Variants in RIMKLB observed in about 807,000 individuals in gnomAD.
RIMKLB encodes the protein beta-citrylglutamate synthase B.
Under a neutral mutation model 32.0 loss-of-function variants are expected in RIMKLB, and 7 were observed. The observed-to-expected ratio is 0.22, with a 90% confidence interval of 0.12 to 0.41. The LOEUF is 0.41. RIMKLB is among the 10% of genes least tolerant of loss of function. The pLI is 1.00. For synonymous variants in RIMKLB, 172 were observed against 185.1 expected (o/e 0.93, Z 0.57); for missense variants, 289 against 498.7 (o/e 0.58, Z 4.00).
intron 1 of RIMKLB, among the ~76,000 whole-genome samples, chr12:8,710,279 TTTTGTTTG>T (rs1023309175): frequency 6.0e-5 from 9 of 149,810 alleles, no homozygotes; most frequent in Non-Finnish European, 8.9e-5. Flanking sequence ...TCCCCGCCAG[TTTTGTTTG>T]TTTGTTTGTT....
intron 1 of RIMKLB, among the ~76,000 whole-genome samples, chr12:8,700,920 G>A (rs936854876): frequency 6.6e-6 from 1 of 152,076 alleles, no homozygotes; most frequent in African/African-American, 2.4e-5. Flanking sequence ...ATAAAAAGTA[G>A]CTGGGCATGG....
At chr12:8,725,971 C>G (rs961978342) in intron 2 of RIMKLB, among the ~76,000 whole-genome samples, 10 of 152,220 alleles carry the variant, frequency 6.6e-5, no homozygotes, top group African/African-American at 1.9e-4. Context: ...TCTCAGCCTC[C>G]CGAATAGCTG....
At chr12:8,698,714 C>A (rs964394089) in intron 1 of RIMKLB, among the ~76,000 whole-genome samples, 49 of 147,038 alleles carry the variant, frequency 3.3e-4, no homozygotes, top group Non-Finnish European at 6.2e-4. Context: ...CCCTCCCCCC[C>A]CTTCCCACAA....
intron 5 of RIMKLB, among the ~76,000 whole-genome samples, chr12:8,764,576 G>A (rs942129037): frequency 2.6e-5 from 4 of 152,038 alleles, no homozygotes; most frequent in African/African-American, 7.2e-5. Flanking sequence ...AGAAGGCTGC[G>A]CCAGTGTCCA....
At chr12:8,752,545 G>C (rs1192538033) in intron 4 of RIMKLB, among the ~76,000 whole-genome samples, 1 of 152,098 alleles carries the variant, frequency 6.6e-6, no homozygotes, top group Non-Finnish European at 1.5e-5. Flanking sequence ...GAGCCAGACT[G>C]TGTCTAAAAA....
chr12:8,691,527 T>C (rs1942732936), intron 1 of RIMKLB, among the ~76,000 whole-genome samples: 1 of 152,010 alleles, frequency 6.6e-6, no homozygotes, highest in Non-Finnish European at 1.5e-5. Flanking sequence ...CCAGAATTGT[T>C]TGAACCCAGG....
chr12:8,741,334 C>T (rs1049904185), intron 2 of RIMKLB, among the ~76,000 whole-genome samples: 3 of 145,072 alleles, frequency 2.1e-5, no homozygotes, highest in African/African-American at 5.2e-5. Context: ...GCCGAGATCG[C>T]ACCACTGCAC....
In RIMKLB at chr12:8,768,587, CTT is replaced by C. The variant is rs1415577261; in HGVS notation, c.698-4731_698-4730del. 3.3e-5 allele frequency among the ~76,000 whole-genome samples: 5 copies of C among 152,262 alleles called. No homozygotes were observed. In the South Asian group the frequency reaches 1.0e-3, roughly 32 times the overall value. On this transcript the variant is annotated intron_variant, in intron 5 of 5. Coordinates refer to ENST00000535829, the MANE Select transcript of RIMKLB (RefSeq NM_001297776.2). ...TTTAATGTATTGGGGAGTTTTCAGT[CTT>C]TTCCTAGGGCATTCTATATTGGTAA...
chr12:8,711,080 G>A (rs760567447), intron 1 of RIMKLB, among the ~76,000 whole-genome samples: 2 of 151,286 alleles, frequency 1.3e-5, no homozygotes, highest in South Asian at 4.2e-4. Context: ...AGAAAAGTAC[G>A]AAAATTAGCT....
intron 4 of RIMKLB, among the ~76,000 whole-genome samples, chr12:8,753,562 A>G (rs1948789158): frequency 6.6e-6 from 1 of 152,222 alleles, no homozygotes; most frequent in Non-Finnish European, 1.5e-5. Context: ...GTTTTAATTC[A>G]GAGATAAAAA....
At chr12:8,716,725 C>CTTTTTTTT (rs71451981) in intron 2 of RIMKLB, among the ~76,000 whole-genome samples, 119 of 95,142 alleles carry the variant, frequency 1.3e-3, no homozygotes, top group African/African-American at 1.8e-3. Flanking sequence ...TCTTTTCCTT[C>CTTTTTTTT]TTTTTTTTTT....
At position 8,713,880 on chromosome 12, in the gene RIMKLB, T is replaced by G; in HGVS notation, c.14T>G (p.Val5Gly). ...AAGCTGATCAAGATGTGTAGTTCTG[T>G]GGCTGCCAAGTTGTGGTTTTTGACA... Reference protein sequence around the residue: MCSSVAAKLWFLTDR... With the variant: MCSSGAAKLWFLTDR... The change falls in exon 2 of 6, where the codon GTG becomes GGG. Residue 5 changes from valine to glycine, a missense_variant. Val to Gly is a moderately radical substitution (Grantham distance 109). This residue lies in a region of RIMKLB where 34 missense variants were observed against 35.3 expected (regional missense o/e 0.96). Coordinates refer to ENST00000535829, the MANE Select transcript of RIMKLB (RefSeq NM_001297776.2). 1 of 1,614,060 alleles carries G rather than the reference T, an allele frequency of 6.2e-7. No homozygotes were observed. Among genetic ancestry groups the G allele is most frequent in the Non-Finnish European group, 8.5e-7 (1 of 1,179,968 alleles).
chr12:8,781,877 T>C (rs769935575), downstream of RIMKLB, among the ~76,000 whole-genome samples: 10 of 152,334 alleles, frequency 6.6e-5, no homozygotes, highest in South Asian at 2.1e-3. Context: ...GTCAATTAAA[T>C]TTATAAGATG....
chr12:8,732,546 A>T (rs1946634587), intron 2 of RIMKLB, among the ~76,000 whole-genome samples: 1 of 152,184 alleles, frequency 6.6e-6, no homozygotes, highest in Non-Finnish European at 1.5e-5. Context: ...TTCTTTAATA[A>T]GGAAGAAGGA....
At chr12:8,747,125 C>T (rs1189239005) in intron 2 of RIMKLB, among the ~76,000 whole-genome samples, 2 of 152,066 alleles carry the variant, frequency 1.3e-5, no homozygotes, top group African/African-American at 2.4e-5. Flanking sequence ...CCCTACTATA[C>T]GTACAGGGGA....
chr12:8,755,243 A>G (rs1019923817), intron 5 of RIMKLB, among the ~76,000 whole-genome samples: 1 of 148,794 alleles, frequency 6.7e-6, no homozygotes, highest in African/African-American at 2.5e-5. Context: ...GAGCCACCAC[A>G]CCCAGCGCCG....
At chr12:8,680,934 T>G (rs1042612091), upstream of RIMKLB, among the ~76,000 whole-genome samples, 1 of 151,950 alleles carries the variant, frequency 6.6e-6, no homozygotes, top group Non-Finnish European at 1.5e-5. Flanking sequence ...TGAAGCATTG[T>G]GTATTACAAG....
At chr12:8,779,681 A>G (rs1388289369), downstream of RIMKLB, 1 of 152,180 alleles carries the variant, frequency 6.6e-6, no homozygotes. Context: ...AAAACAAGCC[A>G]TTACTGCTAT....
At chr12:8,715,666 A>G (rs1565567039) in intron 2 of RIMKLB, among the ~76,000 whole-genome samples, 1 of 152,192 alleles carries the variant, frequency 6.6e-6, no homozygotes, top group African/African-American at 2.4e-5. Context: ...ATAAGAGTCT[A>G]CTTCATTTTT....
Sources: allele counts gnomAD v4.1 joint callset (sites outside exome capture counted in the v4.1 genomes callset), GRCh38; gene constraint gnomAD v4.1.1; regional missense constraint gnomAD v4.1.1; transcripts MANE v1.5; gene names NCBI Gene and HGNC (gene_info 2026-07-23, HGNC 2026-07-21).